The following LARS1 variants were observed in gnomAD, a reference collection of about 807,000 sequenced individuals.
LARS1 encodes the protein leucine--tRNA ligase, cytoplasmic.
A neutral mutation model predicts 162.8 loss-of-function variants in LARS1; 100 were observed. The ratio of observed to expected loss-of-function variants is 0.61; its 90% CI spans 0.52 to 0.73. The LOEUF (loss-of-function observed/expected upper bound fraction) is 0.73. Ranked by LOEUF, LARS1 falls within the 30% of genes least tolerant of loss-of-function variation. The pLI is 0.00. For missense variants in LARS1, 1,258 were observed against 1,408.9 expected (o/e 0.89, Z 1.71); for synonymous variants, 457 against 462.8 (o/e 0.99, Z 0.16).
intron 21 of LARS1, among the ~76,000 whole-genome samples, chr5:146,136,533 T>G: frequency 6.6e-6 from 1 of 150,844 alleles, no homozygotes; most frequent in East Asian, 1.9e-4. Context: ...CAGGCTGGAG[T>G]GCAGTGGCGC....
At chr5:146,126,689 G>A in intron 27 of LARS1, 144 bp from the exon 28 acceptor site, 1 of 571,578 alleles carries the variant, frequency 1.7e-6, no homozygotes, top group Non-Finnish European at 3.2e-6. Context: ...GCATCACGGG[G>A]AAGTGAAAGC....
At chr5:146,123,198 C>T (rs1180159508) in intron 29 of LARS1, among the ~76,000 whole-genome samples, 3 of 151,930 alleles carry the variant, frequency 2.0e-5, no homozygotes, top group Admixed American at 6.6e-5. Context: ...AACAATTTTA[C>T]TTAAATTCCA....
intron 21 of LARS1, among the ~76,000 whole-genome samples, chr5:146,137,400 G>A (rs2126453864): frequency 6.6e-6 from 1 of 152,076 alleles, no homozygotes; most frequent in East Asian, 1.9e-4. Flanking sequence ...AAGTATCATA[G>A]GGGCAAGTGA....
chr5:146,139,632 T>G (rs1752672377), intron 21 of LARS1: 1 of 152,352 alleles, frequency 6.6e-6, no homozygotes, highest in Admixed American at 6.6e-5. Flanking sequence ...TCCCAGCACT[T>G]TGGGAGGCTG....
intron 31 of LARS1, among the ~76,000 whole-genome samples, chr5:146,117,090 T>C (rs963111754): frequency 2.0e-5 from 3 of 152,096 alleles, no homozygotes; most frequent in African/African-American, 7.2e-5. Context: ...ACATCAAACT[T>C]AAGACACTTT....
chr5:146,144,555 GAT>G lies in LARS1; in HGVS notation c.1590-20_1590-19del, dbSNP rs746837213. ...CCAAGTACCTGGGAGTGGACAAATT[GAT>G]ATGTTTTTTTTTAAGTCAAAGGTGA... On this transcript the variant is annotated intron_variant, in intron 16 of 31. Transcript: ENST00000394434. 13 of 1,613,148 alleles carry G rather than the reference GAT, an allele frequency of 8.1e-6. No homozygotes were observed. The Middle Eastern group carries it at 4.9e-4, about 61-fold the overall frequency.
chr5:146,132,783 A>G (rs1581021740), intron 23 of LARS1, 115 bp downstream of exon 23: 1 of 763,756 alleles, frequency 1.3e-6, no homozygotes. Flanking sequence ...ACTAGCTATT[A>G]TTATCATTAG....
intron 1 of LARS1, among the ~76,000 whole-genome samples, chr5:146,181,852 T>TTTC (rs1754868388): frequency 5.3e-5 from 3 of 57,136 alleles, no homozygotes; most frequent in Non-Finnish European, 1.1e-4. Context: ...TTTTTTCTTT[T>TTTC]TTTTTTTTTT....
intron 23 of LARS1, chr5:146,131,486 G>GGTTTTTTTTTTTTTTTTTTTTTTTTTT (rs1561802916): frequency 8.4e-6 from 1 of 119,458 alleles, no homozygotes. Context: ...TTGTAGCCAA[G>GGTTTTTTTTTTTTTTTTTTTTTTTTTT]TTTTTTTTTT....
intron 30 of LARS1, among the ~76,000 whole-genome samples, chr5:146,120,932 G>A (rs2126371294): frequency 6.6e-6 from 1 of 152,242 alleles, no homozygotes; most frequent in African/African-American, 2.4e-5. Context: ...TAAGTGGCAA[G>A]GTCAAGATTC....
chr5:146,162,655 C>T (rs938786600), intron 6 of LARS1, among the ~76,000 whole-genome samples: 1 of 152,216 alleles, frequency 6.6e-6, no homozygotes, highest in African/African-American at 2.4e-5. Flanking sequence ...ATCGTTTAAG[C>T]CAGACACTGA....
intron 28 of LARS1, among the ~76,000 whole-genome samples, chr5:146,124,509 G>A (rs2126390119): frequency 6.6e-6 from 1 of 151,830 alleles, no homozygotes; most frequent in South Asian, 2.1e-4. Context: ...TCTTAAAGCT[G>A]TTTCAGAGAA....
intron 15 of LARS1, among the ~76,000 whole-genome samples, chr5:146,145,827 C>G (rs1752982761): frequency 6.6e-6 from 1 of 151,962 alleles, no homozygotes; most frequent in African/African-American, 2.4e-5. Flanking sequence ...AAAAAGACAA[C>G]AAAGAGGGTT....
At position 146,129,125 on chromosome 5, in the gene LARS1, A is replaced by G; in HGVS notation, c.2629-7T>C. On this transcript the variant is annotated splice_region_variant and splice_polypyrimidine_tract_variant and intron_variant, in intron 25 of 31. Coordinates refer to ENST00000394434, the MANE Select transcript of LARS1 (RefSeq NM_020117.11). ...CATTCATAATTGAGTCAGGCTTTTA[A>G]AAAAAGAAAAACAAAAAAACCTTCA... 6.4e-7 allele frequency: 1 copy of G among 1,570,036 alleles called. No individual in the cohort carries two copies. Among genetic ancestry groups the G allele is most frequent in the South Asian group, 1.2e-5 (1 of 84,924 alleles).
intron 20 of LARS1, 59 bp downstream of exon 20, chr5:146,142,813 C>A: frequency 7.9e-7 from 1 of 1,267,354 alleles, no homozygotes; most frequent in East Asian, 2.4e-5. Flanking sequence ...ATATTTGAAG[C>A]CACAAGACAC....
intron 21 of LARS1, among the ~76,000 whole-genome samples, chr5:146,135,872 G>A (rs1752479150): frequency 6.6e-6 from 1 of 152,232 alleles, no homozygotes; most frequent in South Asian, 2.1e-4. Context: ...TCAGCTATCA[G>A]TGACACAGCT....
intron 28 of LARS1, among the ~76,000 whole-genome samples, chr5:146,125,016 C>T (rs537161379): frequency 7.9e-5 from 12 of 151,774 alleles, no homozygotes; most frequent in Admixed American, 2.0e-4. Context: ...CACACACACA[C>T]GCACACACAC....
rs1389315192 is a variant in LARS1, at chr5:146,144,329, C to T, written c.1676G>A (p.Arg559Lys). Residue 559 changes from arginine (R) to lysine (K), a missense_variant, in exon 18 of 32, where the codon AGG becomes AAG. Transcript: ENST00000394434. ...NLETFCEETR[R>K]NFEATLGWLQ... is the part of the protein sequence containing the mutation. The stretch of plus-strand genomic sequence containing the variant: ...CCAACCTAAGGTGGCTTCAAAATTC[C>T]TCCTGGTCTCCTCACAGAATCTAGA... 6.2e-7 allele frequency: 1 copy of T among 1,613,466 alleles called. No homozygotes were observed. Among genetic ancestry groups the T allele is most frequent in the Non-Finnish European group, 8.5e-7 (1 of 1,179,828 alleles).
At chr5:146,164,606 T>A in intron 5 of LARS1, 135 bp from the exon 6 acceptor site, 3 of 852,268 alleles carry the variant, frequency 3.5e-6, no homozygotes, top group Non-Finnish European at 5.7e-6. Context: ...CAGGAATTAG[T>A]TGTACTATTA....
Sources: allele counts gnomAD v4.1 joint callset (sites outside exome capture counted in the v4.1 genomes callset), GRCh38; gene constraint gnomAD v4.1.1; transcripts MANE v1.5; gene names NCBI Gene and HGNC (gene_info 2026-07-23, HGNC 2026-07-21).